The following RIMS1 variants were observed in gnomAD, a reference collection of about 807,000 sequenced individuals.
RIMS1 encodes regulating synaptic membrane exocytosis 1, also known as regulating synaptic membrane exocytosis protein 1.
In RIMS1, 83 loss-of-function variants were observed where a neutral mutation model predicts 214.1. The ratio of observed to expected loss-of-function variants is 0.39; its 90% CI spans 0.32 to 0.47. RIMS1 has a LOEUF of 0.47. RIMS1 is among the 20% of genes least tolerant of loss of function. The pLI, the probability that RIMS1 is intolerant of heterozygous loss-of-function variation, is 0.99. For synonymous variants in RIMS1, 793 were observed against 786.8 expected, an observed-to-expected ratio of 1.01 and a Z score of -0.13; for missense variants, 2,050 against 2,161.8, an observed-to-expected ratio of 0.95 and a Z score of 1.03.
chr6:71,962,427 C>T (rs1186825346), intron 1 of RIMS1, among the ~76,000 whole-genome samples: 1 of 152,100 alleles, frequency 6.6e-6, no homozygotes, highest in East Asian at 1.9e-4. Context: ...ACCTACTGCA[C>T]CTATCTTCCA....
chr6:72,075,842 A>C (rs1831707798), intron 2 of RIMS1, among the ~76,000 whole-genome samples: 1 of 152,338 alleles, frequency 6.6e-6, no homozygotes, highest in Admixed American at 6.5e-5. Context: ...GTTCTGAATA[A>C]GTTTTTTAAA....
At chr6:72,349,931 G>T (rs755990650) in intron 29 of RIMS1, among the ~76,000 whole-genome samples, 9 of 152,008 alleles carry the variant, frequency 5.9e-5, no homozygotes, top group Non-Finnish European at 8.8e-5. Context: ...AATCAAAGAA[G>T]AAAACATACT....
intron 2 of RIMS1, among the ~76,000 whole-genome samples, chr6:72,067,506 A>T (rs1050243145): frequency 5.9e-5 from 9 of 152,144 alleles, no homozygotes; most frequent in Non-Finnish European, 1.3e-4. Context: ...ACTTTTTAGG[A>T]TAATTTATCT....
rs147443872 is a variant in RIMS1, at chr6:72,006,819, C to T, written c.245+37756C>T. Among the ~76,000 whole-genome samples, 1,135 of 152,268 alleles carry T rather than the reference C, an allele frequency of 7.5e-3. 11 individuals are homozygous for T. Among genetic ancestry groups the T allele is most frequent in the African/African-American group, 0.026 (1,072 of 41,564 alleles). On this transcript the variant is annotated intron_variant, in intron 2 of 33. Transcript: ENST00000521978. ...CTGAGGTTTGAGTAGGTAAACAAAG[C>T]GGCCGGGAAGCTCGAACTTGGTGGA...
chr6:72,031,956 TTTATA>T (rs1410468508), intron 2 of RIMS1, among the ~76,000 whole-genome samples: 1 of 152,044 alleles, frequency 6.6e-6, no homozygotes, highest in African/African-American at 2.4e-5. Context: ...TAAGCAAGGT[TTTATA>T]ATATAATGTA....
chr6:72,206,180 CG>C (rs1263577696), intron 6 of RIMS1, among the ~76,000 whole-genome samples: 6 of 152,042 alleles, frequency 3.9e-5, no homozygotes, highest in Non-Finnish European at 7.4e-5. Flanking sequence ...TCTTAAAGAC[CG>C]ATCAAGTTGT....
chr6:72,017,979 T>C (rs908042605), intron 2 of RIMS1, among the ~76,000 whole-genome samples: 3 of 152,186 alleles, frequency 2.0e-5, no homozygotes, highest in Non-Finnish European at 4.4e-5. Flanking sequence ...AGATCTTTAT[T>C]AGCCAATGGA....
chr6:72,129,161 T>A (rs1477744563), intron 4 of RIMS1, among the ~76,000 whole-genome samples: 3 of 152,186 alleles, frequency 2.0e-5, no homozygotes, highest in African/African-American at 7.2e-5. Context: ...AAATTATCTT[T>A]GAAAAGTTAA....
At position 72,265,042 on chromosome 6, in the gene RIMS1, A is replaced by G. The variant is rs757403920; in HGVS notation, c.3184A>G (p.Asn1062Asp). 1.5e-5 allele frequency: 23 copies of G among 1,582,884 alleles called. No homozygotes were observed. The South Asian group carries it at 2.1e-4, about 14-fold the overall frequency. Residue 1062 changes from asparagine (N) to aspartate (D), a missense_variant, in exon 20 of 34, where the codon AAT (asparagine) becomes GAT (aspartate). Physicochemically the swap from Asn to Asp is conservative, Grantham distance 23. Coordinates refer to ENST00000521978, the MANE Select transcript of RIMS1 (RefSeq NM_014989.7). ...MPLLQSSSHW[N>D]IYSSILPAHT... ...TTTATTACAGAGCAGTTCTCACTGGAATATTTACAGGTAAGAGCCCTAACA... is the reference window on the plus strand; with the variant it reads ...TTTATTACAGAGCAGTTCTCACTGGGATATTTACAGGTAAGAGCCCTAACA...
intron 2 of RIMS1, among the ~76,000 whole-genome samples, chr6:72,068,801 C>T (rs1456863850): frequency 5.9e-5 from 9 of 151,870 alleles, no homozygotes; most frequent in Non-Finnish European, 1.2e-4. Flanking sequence ...GTCCCAGCTA[C>T]TCGGGAGGCT....
chr6:72,240,624 T>C (rs1240919422), intron 9 of RIMS1, among the ~76,000 whole-genome samples: 1 of 127,858 alleles, frequency 7.8e-6, no homozygotes, highest in Non-Finnish European at 1.6e-5. Flanking sequence ...ATTATATTTC[T>C]TTTTTCTTTT....
At chr6:72,033,902 T>G (rs184182293) in intron 2 of RIMS1, among the ~76,000 whole-genome samples, 1 of 152,160 alleles carries the variant, frequency 6.6e-6, no homozygotes, top group Non-Finnish European at 1.5e-5. Context: ...GAAATTTTTT[T>G]AAAAAATATT....
chr6:72,363,577 A>G, intron 29 of RIMS1, among the ~76,000 whole-genome samples: 1 of 152,214 alleles, frequency 6.6e-6, no homozygotes, highest in East Asian at 1.9e-4. Context: ...TAGCTTCTAA[A>G]AAGAATTCTG....
At chr6:72,073,993 G>A (rs907711893) in intron 2 of RIMS1, among the ~76,000 whole-genome samples, 3 of 151,962 alleles carry the variant, frequency 2.0e-5, no homozygotes, top group Non-Finnish European at 2.9e-5. Context: ...AAACATAATT[G>A]GTTGCCTTTA....
At chr6:72,211,762 C>T (rs2053847446) in intron 6 of RIMS1, among the ~76,000 whole-genome samples, 2 of 152,054 alleles carry the variant, frequency 1.3e-5, no homozygotes, top group Non-Finnish European at 2.9e-5. Context: ...ATCAATATTT[C>T]AACATTAAAA....
chr6:72,015,551 A>G (rs1812417017), intron 2 of RIMS1, among the ~76,000 whole-genome samples: 1 of 152,142 alleles, frequency 6.6e-6, no homozygotes, highest in African/African-American at 2.4e-5. Flanking sequence ...TTCCCAGCCT[A>G]CATTCTTTAG....
At chr6:72,200,235 T>G (rs191018004) in intron 6 of RIMS1, among the ~76,000 whole-genome samples, 2 of 152,042 alleles carry the variant, frequency 1.3e-5, no homozygotes, top group Non-Finnish European at 2.9e-5. Flanking sequence ...CTTTCCTTTC[T>G]CTTCATATAT....
In RIMS1 at chr6:72,045,497, TA is replaced by T. The variant is rs1822735734; in HGVS notation, c.246-51448del. 2.6e-5 allele frequency among the ~76,000 whole-genome samples: 4 copies of T among 152,152 alleles called. No individual in the cohort carries two copies. In the South Asian group the frequency reaches 8.3e-4, roughly 32 times the overall value. Reference sequence around the variant, plus strand: ...TGGATAAAATATATTCTAAGTTATTTAAAATGCTTTCAGCATTTGTAATTAT... The same window carrying T: ...TGGATAAAATATATTCTAAGTTATTTAAATGCTTTCAGCATTTGTAATTAT... On this transcript the variant is annotated intron_variant, in intron 2 of 33. Coordinates refer to ENST00000521978, the MANE Select transcript of RIMS1 (RefSeq NM_014989.7).
intron 2 of RIMS1, among the ~76,000 whole-genome samples, chr6:72,013,848 C>G (rs1019967602): frequency 1.3e-5 from 2 of 152,128 alleles, no homozygotes; most frequent in African/African-American, 4.8e-5. Context: ...TTCATCACCT[C>G]AAAAAGAAAA....
Sources: gnomAD v4.1 joint callset for allele counts (sites outside exome capture counted in the v4.1 genomes callset) on GRCh38, gnomAD v4.1.1 for gene constraint, MANE v1.5 for transcripts, NCBI Gene and HGNC (gene_info 2026-07-23, HGNC 2026-07-21) for gene names.